TRIM71: variants seen among roughly 807,000 people sequenced by gnomAD.
TRIM71 encodes tripartite motif containing 71.
Under a neutral mutation model 61.2 loss-of-function variants are expected in TRIM71, and 9 were observed. That is an observed-to-expected ratio of 0.15 (90% confidence interval 0.09 to 0.26). TRIM71 has a LOEUF of 0.26. Ranked by LOEUF, TRIM71 falls within the 10% of genes least tolerant of loss-of-function variation. The probability of loss-of-function intolerance (pLI) is 1.00; values close to 1 mark genes in which losing one functional copy is unlikely to be tolerated. For missense variants in TRIM71, 998 were observed against 1,238.7 expected, an observed-to-expected ratio of 0.81 and a Z score of 2.92; for synonymous variants, 645 against 553.2, an observed-to-expected ratio of 1.17 and a Z score of -2.33.
chr3:32,859,345 T>C (rs770794020), intron 1 of TRIM71, among the ~76,000 whole-genome samples: 7 of 152,142 alleles, frequency 4.6e-5, no homozygotes, highest in Admixed American at 1.3e-4. Flanking sequence ...CTGCAACCTT[T>C]GTCTCCTGGG....
At position 32,818,594 on chromosome 3, in the gene TRIM71, C is replaced by G; in HGVS notation, c.514C>G (p.Gln172Glu). 1 of 1,326,944 alleles carries G rather than the reference C, an allele frequency of 7.5e-7. No homozygotes were observed. Among genetic ancestry groups the G allele is most frequent in the Non-Finnish European group, 9.6e-7 (1 of 1,047,034 alleles). 82.2% of individuals were successfully genotyped at this position (1,326,944 alleles called of 1,614,324 possible). ...CGCGCCGCCACTCCCGCAGGCGCCG[C>G]AGCCGCCCGCGCCTTCCCGCTCGGC... is the stretch of plus-strand genomic sequence containing the variant. ...ASAPPLPQAP[Q>E]PPAPSRSAPG... The change falls in exon 1 of 4, where the codon CAG becomes GAG. Residue 172 changes from glutamine (Q) to glutamate (E), a missense_variant. Around this residue, in one of 5 missense-constraint regions of TRIM71, gnomAD observed 527 missense variants for 427.8 expected, o/e 1.23. Coordinates refer to ENST00000383763, the MANE Select transcript of TRIM71 (RefSeq NM_001039111.3).
At chr3:32,873,732 T>C in intron 1 of TRIM71, 86 bp from the exon 2 acceptor site, 1 of 1,306,948 alleles carries the variant, frequency 7.7e-7, no homozygotes, top group Non-Finnish European at 1.0e-6. Context: ...CGTTCGGTTG[T>C]GAGAGCCAGG....
At chr3:32,832,685 CAAT>C (rs1461389276) in intron 1 of TRIM71, among the ~76,000 whole-genome samples, 2 of 152,002 alleles carry the variant, frequency 1.3e-5, no homozygotes, top group Non-Finnish European at 2.9e-5. Flanking sequence ...GACCCCGTCT[CAAT>C]AAAAAATATT....
chr3:32,889,134 A>G (rs1696994765), intron 3 of TRIM71, among the ~76,000 whole-genome samples: 1 of 152,182 alleles, frequency 6.6e-6, no homozygotes, highest in East Asian at 1.9e-4. Flanking sequence ...CTGCTTTTCT[A>G]AACTACAACT....
chr3:32,822,392 C>A (rs777132433), intron 1 of TRIM71, among the ~76,000 whole-genome samples: 3 of 152,104 alleles, frequency 2.0e-5, no homozygotes, highest in Admixed American at 1.3e-4. Context: ...GAGAAAAGTT[C>A]TAGAATTCCA....
chr3:32,875,606 C>T (rs1487906064), intron 2 of TRIM71, among the ~76,000 whole-genome samples: 6 of 152,110 alleles, frequency 3.9e-5, no homozygotes, highest in Non-Finnish European at 8.8e-5. Context: ...GTTGGGAGGC[C>T]GAGGTGGTGG....
intron 1 of TRIM71, among the ~76,000 whole-genome samples, chr3:32,873,106 G>A (rs1331545046): frequency 1.1e-5 from 1 of 88,758 alleles, no homozygotes; most frequent in Non-Finnish European, 2.4e-5. Context: ...CCAGCGTGCT[G>A]GGCCCCAGGG....
chr3:32,853,836 A>G (rs1327950565), intron 1 of TRIM71, among the ~76,000 whole-genome samples: 2 of 152,124 alleles, frequency 1.3e-5, no homozygotes, highest in African/African-American at 4.8e-5. Context: ...GTGAAACCCT[A>G]TCTCGACTAA....
At chr3:32,854,181 CAG>C (rs1225716830) in intron 1 of TRIM71, among the ~76,000 whole-genome samples, 1 of 152,124 alleles carries the variant, frequency 6.6e-6, no homozygotes, top group African/African-American at 2.4e-5. Context: ...TGTAGAGACT[CAG>C]AGGTCTCACT....
chr3:32,866,442 G>A (rs1696737592), intron 1 of TRIM71, among the ~76,000 whole-genome samples: 1 of 152,038 alleles, frequency 6.6e-6, no homozygotes, highest in Non-Finnish European at 1.5e-5. Context: ...GTTTCACCAT[G>A]TTGGCCAGGC....
At chr3:32,834,894 A>G (rs1696316791) in intron 1 of TRIM71, among the ~76,000 whole-genome samples, 1 of 152,194 alleles carries the variant, frequency 6.6e-6, no homozygotes, top group Non-Finnish European at 1.5e-5. Context: ...CATTTTGTCT[A>G]GGGTCTACTG....
Position 32,880,968 on chromosome 3 carries a change from A to G in TRIM71, c.1021-4966A>G, listed in dbSNP as rs187581916. Among the ~76,000 whole-genome samples the G allele has an allele frequency of 2.1e-3, 315 of 152,290 alleles. 2 individuals carry two copies. The highest frequency in any genetic ancestry group is 3.1e-3 in the East Asian group (16 of 5,182). ...AAAGGAAGAAACCCACGGACAATTT[A>G]GAGATGAATTATAGATTCAGAGAAA... On this transcript the variant is annotated intron_variant, in intron 2 of 3. Transcript: ENST00000383763.
intron 1 of TRIM71, among the ~76,000 whole-genome samples, chr3:32,851,934 G>T (rs1046076384): frequency 6.6e-6 from 1 of 152,184 alleles, no homozygotes; most frequent in African/African-American, 2.4e-5. Flanking sequence ...TTATCACTTA[G>T]GCATAGCAAC....
intron 1 of TRIM71, among the ~76,000 whole-genome samples, chr3:32,865,209 G>T (rs564069984): frequency 7.9e-4 from 120 of 152,166 alleles, no homozygotes; most frequent in African/African-American, 2.8e-3. Context: ...CGCGCCTGTA[G>T]TCCCAGCTAC....
chr3:32,847,322 G>A (rs571967238), intron 1 of TRIM71, among the ~76,000 whole-genome samples: 4 of 150,804 alleles, frequency 2.7e-5, no homozygotes, highest in South Asian at 4.2e-4. Flanking sequence ...TCCACCTCCC[G>A]AGTAGCTGGG....
chr3:32,837,003 C>T (rs1696341827), intron 1 of TRIM71, among the ~76,000 whole-genome samples: 1 of 152,070 alleles, frequency 6.6e-6, no homozygotes, highest in Admixed American at 6.6e-5. Context: ...CTTATAGGTG[C>T]CTTTTCCCCC....
At chr3:32,843,888 C>A (rs775124401) in intron 1 of TRIM71, among the ~76,000 whole-genome samples, 1 of 151,502 alleles carries the variant, frequency 6.6e-6, no homozygotes, top group Non-Finnish European at 1.5e-5. Context: ...GCCCACCCTG[C>A]CTTTGTGGAG....
At chr3:32,834,382 TC>T (rs1251891388) in intron 1 of TRIM71, among the ~76,000 whole-genome samples, 1 of 152,068 alleles carries the variant, frequency 6.6e-6, no homozygotes, top group Non-Finnish European at 1.5e-5. Flanking sequence ...TTGATTGAGA[TC>T]CTACAGCTAA....
At chr3:32,888,434 C>CAAAA (rs56834147) in intron 3 of TRIM71, among the ~76,000 whole-genome samples, 4 of 95,842 alleles carry the variant, frequency 4.2e-5, no homozygotes, top group African/African-American at 1.3e-4. Context: ...CCATCTCTAC[C>CAAAA]AAAAAAAAAA....
Sources: gnomAD v4.1 joint callset for allele counts (sites outside exome capture counted in the v4.1 genomes callset) on GRCh38, gnomAD v4.1.1 for gene constraint, gnomAD v4.1.1 regional missense constraint, MANE v1.5 for transcripts, NCBI Gene and HGNC (gene_info 2026-07-23, HGNC 2026-07-21) for gene names.